Variants in PRPH observed in about 807,000 individuals in gnomAD.
PRPH encodes the protein peripherin, also known as neurofilament 4 (57kD).
A neutral mutation model predicts 52.6 loss-of-function variants in PRPH; 48 were observed. That is an observed-to-expected ratio of 0.91 (90% CI 0.72 to 1.16). The LOEUF (loss-of-function observed/expected upper bound fraction) is 1.16, where lower values mean the gene tolerates loss of function less well. Ranked by LOEUF, PRPH falls within the 50% of genes most tolerant of loss-of-function variation. The probability of loss-of-function intolerance (pLI) is 0.00; values close to 1 mark genes in which losing one functional copy is unlikely to be tolerated. For synonymous variants in PRPH, 279 were observed against 283.8 expected, an observed-to-expected ratio of 0.98 and a Z score of 0.17; for missense variants, 579 against 635.7, an observed-to-expected ratio of 0.91 and a Z score of 0.96.
Position 49,296,769 on chromosome 12 carries a change from C to G in PRPH, c.703-120C>G. Reference sequence around the variant, plus strand: ...CCGCGGGGGCGCAGGGCTGTACGCCCTGCCCTCCCTGGCGCCCACTTCTGT... The same window carrying G: ...CCGCGGGGGCGCAGGGCTGTACGCCGTGCCCTCCCTGGCGCCCACTTCTGT... On this transcript the variant is annotated intron_variant, in intron 3 of 8. Transcript: ENST00000257860. This position sits in a 1 kb window ranked among gnomAD's most constrained non-coding sequence, Gnocchi z 5.1. The G allele has an allele frequency of 6.8e-7, 1 of 1,464,956 alleles. No individual in the cohort carries two copies. Among genetic ancestry groups the G allele is most frequent in the Non-Finnish European group, 9.2e-7 (1 of 1,081,970 alleles). The allele number at this position is 1,464,956 out of a possible 1,614,324, so 90.7% of individuals were successfully genotyped here. A position where few individuals can be genotyped will look rare whatever the true frequency, so the allele number is the denominator to read the frequency against.
In PRPH at chr12:49,295,758, G is replaced by C; in HGVS notation, c.545+13G>C. ...CGCTCAAGCAGAGGTCAGGGGGCAG[G>C]GCTGGGCCGCTGCCGTCGAGGCGAG... On this transcript the variant is annotated intron_variant, in intron 1 of 8. Coordinates refer to ENST00000257860, the MANE Select transcript of PRPH (RefSeq NM_006262.4). 2.5e-5 allele frequency: 37 copies of C among 1,468,132 alleles called. No individual in the cohort carries two copies. The highest frequency in any genetic ancestry group is 3.2e-5 in the Non-Finnish European group (36 of 1,119,478). 90.9% of individuals were successfully genotyped at this position (1,468,132 alleles called of 1,614,324 possible). A position where few individuals can be genotyped will look rare whatever the true frequency, so the allele number is the denominator to read the frequency against.
chr12:49,296,260 A>T lies in PRPH; in HGVS notation c.606+22A>T, dbSNP rs368457703. On this transcript the variant is annotated intron_variant, in intron 2 of 8. Coordinates refer to ENST00000257860, the MANE Select transcript of PRPH (RefSeq NM_006262.4). This position sits in a 1 kb window ranked among gnomAD's most constrained non-coding sequence, Gnocchi z 5.1. ...CAAGGTGAGTCCGAGCCCCTCTCCGAGTTCAGCCTCCCCACCGCTACCCCC... is the reference window on the plus strand; with the variant it reads ...CAAGGTGAGTCCGAGCCCCTCTCCGTGTTCAGCCTCCCCACCGCTACCCCC... 7.4e-6 allele frequency: 12 copies of T among 1,611,968 alleles called. No homozygotes were observed. In the African/African-American group the frequency reaches 1.2e-4, roughly 16 times the overall value.
rs1943209931 is a variant in PRPH at position 49,297,869 on chromosome 12, C to G, written c.1268-89C>G. 1 of 1,583,310 alleles carries G rather than the reference C, an allele frequency of 6.3e-7. No homozygotes were observed. Among genetic ancestry groups the G allele is most frequent in the Non-Finnish European group, 8.7e-7 (1 of 1,152,584 alleles). ...CCCACCCCTACTCCTCAAACCCGCC[C>G]CTCCCCTGCCCTCAGGGATAGCAGT... On this transcript the variant is annotated intron_variant, in intron 7 of 8. Transcript: ENST00000257860. The surrounding 1 kb of genome is among the most constrained non-coding windows in gnomAD (Gnocchi z 4.4).
At position 49,298,399 on chromosome 12, in the gene PRPH, C is replaced by A. The variant is rs1445766676; in HGVS notation, c.*46C>A. 3 of 1,598,760 alleles carry A rather than the reference C, an allele frequency of 1.9e-6. No homozygotes were observed. The highest frequency in any genetic ancestry group is 1.7e-5 in the Admixed American group (1 of 59,806). On this transcript the variant is annotated 3_prime_UTR_variant, in exon 9 of 9. Transcript: ENST00000257860. ...GACTCTGCCCTAGGCCTGCTCAAAG[C>A]CCAAACCCTAAGACCACTCCTGAAT...
At position 49,296,794 on chromosome 12, in the gene PRPH, T is replaced by G; in HGVS notation, c.703-95T>G. ...CTGCCCTCCCTGGCGCCCACTTCTG[T>G]TCGTTCAAGCGTTTCTTCTCTTTTC... On this transcript the variant is annotated intron_variant, in intron 3 of 8. Coordinates refer to ENST00000257860, the MANE Select transcript of PRPH (RefSeq NM_006262.4). This position sits in a 1 kb window ranked among gnomAD's most constrained non-coding sequence, Gnocchi z 5.1. 2 of 1,518,048 alleles carry G rather than the reference T, an allele frequency of 1.3e-6. No individual in the cohort carries two copies. Among genetic ancestry groups the G allele is most frequent in the Non-Finnish European group, 1.8e-6 (2 of 1,123,492 alleles). 94.0% of individuals were successfully genotyped at this position (1,518,048 alleles called of 1,614,324 possible). A position where few individuals can be genotyped will look rare whatever the true frequency, so the allele number is the denominator to read the frequency against.
chr12:49,295,726 CT>C lies in PRPH; in HGVS notation c.527del (p.Leu176ArgfsTer39). On this transcript the variant is annotated frameshift_variant, in exon 1 of 9. Coordinates refer to ENST00000257860, the MANE Select transcript of PRPH (RefSeq NM_006262.4). LOFTEE classifies it high-confidence loss of function. ...QVERDGLAEDLAALKQRLEEE... is the reference protein window; with the variant it reads ...QVERDGLAEDXAALKQRLEEE... ...GGAGCGCGACGGGCTGGCGGAGGAC[CT>C]GGCGGCGCTCAAGCAGAGGTCAGGG... 6.6e-7 allele frequency: 1 copy of C among 1,516,406 alleles called. No homozygotes were observed. 93.9% of individuals were successfully genotyped at this position (1,516,406 alleles called of 1,614,324 possible). A position where few individuals can be genotyped will look rare whatever the true frequency, so the allele number is the denominator to read the frequency against.
intron 1 of PRPH, 194 bp downstream of exon 1, chr12:49,295,939 G>C: frequency 6.9e-7 from 1 of 1,450,940 alleles, no homozygotes; most frequent in Non-Finnish European, 9.0e-7. Context: ...TTTGCTCTGA[G>C]TGTTTGGGGA....
In PRPH at chr12:49,295,422, C is replaced by A; in HGVS notation, c.222C>A (p.Pro74=). 1 of 1,604,382 alleles carries A rather than the reference C, an allele frequency of 6.2e-7. No homozygotes were observed. Among genetic ancestry groups the A allele is most frequent in the Non-Finnish European group, 8.5e-7 (1 of 1,176,358 alleles). Residue 74 remains proline, a synonymous_variant, in exon 1 of 9, where the codon CCC becomes CCA. Transcript: ENST00000257860. ...RAGAGALLRL[P]SERLDFSMAE... ...GAGCGGGCGCCCTCCTGCGCCTGCC[C>A]TCGGAGCGCCTCGACTTCTCCATGG...
At position 49,296,752 on chromosome 12, in the gene PRPH, G is replaced by T; in HGVS notation, c.703-137G>T. The T allele has an allele frequency of 7.2e-7, 1 of 1,381,658 alleles. No individual in the cohort carries two copies. Among genetic ancestry groups the T allele is most frequent in the Non-Finnish European group, 9.9e-7 (1 of 1,015,110 alleles). The allele number at this position is 1,381,658 out of a possible 1,614,324, so 85.6% of individuals were successfully genotyped here. On this transcript the variant is annotated intron_variant, in intron 3 of 8. Transcript: ENST00000257860. This position sits in a 1 kb window ranked among gnomAD's most constrained non-coding sequence, Gnocchi z 5.1. The stretch of plus-strand genomic sequence containing the variant: ...GGCCTCTGGTCTCGCGCCCGCGGGG[G>T]CGCAGGGCTGTACGCCCTGCCCTCC...
At position 49,298,566 on chromosome 12, in the gene PRPH, T is replaced by A; in HGVS notation, c.*213T>A. On this transcript the variant is annotated 3_prime_UTR_variant, in exon 9 of 9. Coordinates refer to ENST00000257860, the MANE Select transcript of PRPH (RefSeq NM_006262.4). ...TGTGACCTATGTGCTTCCCTTTTCA[T>A]GTCCCGATAAGAAGCCAATGATCCC... 1.7e-6 allele frequency: 1 copy of A among 581,486 alleles called. No individual in the cohort carries two copies. The highest frequency in any genetic ancestry group is 3.1e-6 in the Non-Finnish European group (1 of 324,102). The allele number at this position is 581,486 out of a possible 1,614,324, so 36.0% of individuals were successfully genotyped here.
Position 49,295,611 on chromosome 12 carries a change from G to A in PRPH, c.411G>A (p.Pro137=), listed in dbSNP as rs897601417. 5.2e-5 allele frequency: 81 copies of A among 1,547,414 alleles called. No homozygotes were observed. The highest frequency in any genetic ancestry group is 6.6e-5 in the Non-Finnish European group (76 of 1,146,386). ...TGAGCCAAGCCCGGGGCCAGGAGCCGGCGCGCGCCGACCAGCTGTGCCAGC... is the reference window on the plus strand; with the variant it reads ...TGAGCCAAGCCCGGGGCCAGGAGCCAGCGCGCGCCGACCAGCTGTGCCAGC... The part of the protein sequence containing the change: ...GELSQARGQE[P]ARADQLCQQE... The change falls in exon 1 of 9, where the codon CCG becomes CCA. Residue 137 remains proline, a synonymous_variant. Coordinates refer to ENST00000257860, the MANE Select transcript of PRPH (RefSeq NM_006262.4).
In PRPH at chr12:49,297,193, C is replaced by T. The variant is rs1261017451; in HGVS notation, c.916C>T (p.Arg306Cys). The change falls in exon 5 of 9, where the codon CGC (arginine) becomes TGC (cysteine). Residue 306 changes from arginine (R) to cysteine (C), a missense_variant. Physicochemically the swap from Arg to Cys is radical, Grantham distance 180. Coordinates refer to ENST00000257860, the MANE Select transcript of PRPH (RefSeq NM_006262.4). This position sits in a 1 kb window ranked among gnomAD's most constrained non-coding sequence, Gnocchi z 4.4. ...DAANRNHEAL[R>C]QAKQEMNESR... ...TGCCAACCGGAACCACGAGGCCCTG[C>T]GCCAGGCCAAGCAGGAGATGAACGA... The T allele has an allele frequency of 1.2e-6, 2 of 1,614,022 alleles. No individual in the cohort carries two copies. Among genetic ancestry groups the T allele is most frequent in the Middle Eastern group, 1.6e-4 (1 of 6,062 alleles).
At position 49,296,567 on chromosome 12, in the gene PRPH, G is replaced by A. The variant is rs759521498; in HGVS notation, c.702+40G>A. ...TATCAGGGGCGGTTTCTGAGGTTGT[G>A]GGGTGGTCTCGCTGGAGCTGGCGGG... On this transcript the variant is annotated intron_variant, in intron 3 of 8. Coordinates refer to ENST00000257860, the MANE Select transcript of PRPH (RefSeq NM_006262.4). This position sits in a 1 kb window ranked among gnomAD's most constrained non-coding sequence, Gnocchi z 5.1. The A allele has an allele frequency of 1.5e-5, 23 of 1,585,680 alleles. No homozygotes were observed. The African/African-American group carries it at 3.1e-4, about 21-fold the overall frequency.
At position 49,297,379 on chromosome 12, in the gene PRPH, TGA is replaced by T. The variant is rs761980917; in HGVS notation, c.1025_1026del (p.Glu342AlafsTer83). On this transcript the variant is annotated frameshift_variant, in exon 6 of 9. Coordinates refer to ENST00000257860, the MANE Select transcript of PRPH (RefSeq NM_006262.4). LOFTEE classifies it high-confidence loss of function. The surrounding 1 kb of genome is among the most constrained non-coding windows in gnomAD (Gnocchi z 4.4). ...CAGAACGAGGCGCTGCTCAGGCAGT[TGA>T]GAGAGCTGGAGGAGCAGTTCGCCCT... The T allele has an allele frequency of 6.2e-7, 1 of 1,613,336 alleles. No homozygotes were observed. Among genetic ancestry groups the T allele is most frequent in the African/African-American group, 1.3e-5 (1 of 74,838 alleles).
Position 49,297,177 on chromosome 12 carries a change from G to A in PRPH, c.900G>A (p.Arg300=). The change falls in exon 5 of 9, where the codon CGG becomes CGA. Residue 300 remains arginine, a synonymous_variant. Transcript: ENST00000257860. The surrounding 1 kb of genome is among the most constrained non-coding windows in gnomAD (Gnocchi z 4.4). The part of the protein sequence containing the change: ...KYADLSDAAN[R]NHEALRQAKQ... ...CGGACCTGTCCGACGCTGCCAACCG[G>A]AACCACGAGGCCCTGCGCCAGGCCA... 1 of 1,614,032 alleles carries A rather than the reference G, an allele frequency of 6.2e-7. No individual in the cohort carries two copies. The highest frequency in any genetic ancestry group is 8.5e-7 in the Non-Finnish European group (1 of 1,179,980).
Position 49,295,287 on chromosome 12 carries a change from CG to C in PRPH, c.91del (p.Ala31ProfsTer99), listed in dbSNP as rs757646339. On this transcript the variant is annotated frameshift_variant, in exon 1 of 9. Coordinates refer to ENST00000257860, the MANE Select transcript of PRPH (RefSeq NM_006262.4). LOFTEE classifies it high-confidence loss of function. ...TFGPPPSLSPGAFSYSSSSRF... is the reference protein window; with the variant it reads ...TFGPPPSLSPXAFSYSSSSRF... ...TCGGTCCACCGCCCTCACTATCCCC[CG>C]GGGCCTTCTCCTACTCGTCCAGCTC... is the stretch of plus-strand genomic sequence containing the variant. 1 of 1,611,678 alleles carries C rather than the reference CG, an allele frequency of 6.2e-7. No individual in the cohort carries two copies. Among genetic ancestry groups the C allele is most frequent in the Non-Finnish European group, 8.5e-7 (1 of 1,179,674 alleles).
In PRPH at chr12:49,297,452, G is replaced by C; in HGVS notation, c.1092G>C (p.Glu364Asp). ...CGGGCGCTGCGCGGCTCGAGGAGGA[G>C]CTGCGACAGCTAAAAGAGGAGATGG... Reference protein sequence around the residue: ...YQAGAARLEEELRQLKEEMAR... With the variant: ...YQAGAARLEEDLRQLKEEMAR... The change falls in exon 6 of 9, where the codon GAG becomes GAC. Residue 364 changes from glutamate (E) to aspartate (D), a missense_variant. Coordinates refer to ENST00000257860, the MANE Select transcript of PRPH (RefSeq NM_006262.4). The surrounding 1 kb of genome is among the most constrained non-coding windows in gnomAD (Gnocchi z 4.4). 6.2e-7 allele frequency: 1 copy of C among 1,611,476 alleles called. No individual in the cohort carries two copies. The highest frequency in any genetic ancestry group is 8.5e-7 in the Non-Finnish European group (1 of 1,179,672).
At position 49,297,030 on chromosome 12, in the gene PRPH, G is replaced by C; in HGVS notation, c.844G>C (p.Glu282Gln). The C allele has an allele frequency of 1.2e-6, 2 of 1,613,906 alleles. No individual in the cohort carries two copies. Among genetic ancestry groups the C allele is most frequent in the Non-Finnish European group, 1.7e-6 (2 of 1,179,964 alleles). Residue 282 changes from glutamate (E) to glutamine (Q), a missense_variant, in exon 4 of 9, where the codon GAG becomes CAG. Transcript: ENST00000257860. This position sits in a 1 kb window ranked among gnomAD's most constrained non-coding sequence, Gnocchi z 4.4. ...YESIAAKNLQ[E>Q]AEEWYKSKYA... Reference sequence around the variant, plus strand: ...GAGCATCGCCGCGAAGAACCTGCAGGAGGCGGAGGAGTGGTACAAGTCCAA... The same window carrying C: ...GAGCATCGCCGCGAAGAACCTGCAGCAGGCGGAGGAGTGGTACAAGTCCAA...
At position 49,295,596 on chromosome 12, in the gene PRPH, C is replaced by T; in HGVS notation, c.396C>T (p.Ala132=). The change falls in exon 1 of 9, where the codon GCC becomes GCT. Residue 132 remains alanine, a synonymous_variant. Transcript: ENST00000257860. ...NAALRGELSQ[A]RGQEPARADQ... ...CCCTGCGCGGGGAGCTGAGCCAAGC[C>T]CGGGGCCAGGAGCCGGCGCGCGCCG... 1 of 1,553,572 alleles carries T rather than the reference C, an allele frequency of 6.4e-7. No individual in the cohort carries two copies. Among genetic ancestry groups the T allele is most frequent in the Non-Finnish European group, 8.7e-7 (1 of 1,149,072 alleles).
Sources: allele counts gnomAD v4.1 joint callset, GRCh38; gene constraint gnomAD v4.1.1; non-coding constraint Gnocchi (gnomAD v3.1); transcripts MANE v1.5; gene names NCBI Gene and HGNC (gene_info 2026-07-23, HGNC 2026-07-21).